The following EXOSC5 variants were observed in gnomAD, a reference collection of about 807,000 sequenced individuals.
The protein encoded by EXOSC5 is exosome component 5, also known as exosome complex component RRP46.
Under a neutral mutation model 23.7 loss-of-function variants are expected in EXOSC5, and 15 were observed. The observed-to-expected ratio is 0.63, with a 90% confidence interval of 0.42 to 0.97. The LOEUF is 0.97. Ranked by LOEUF, EXOSC5 falls within the 50% of genes least tolerant of loss-of-function variation. The probability of loss-of-function intolerance (pLI) is 0.00; values close to 1 mark genes in which losing one functional copy is unlikely to be tolerated. For synonymous variants in EXOSC5, 143 were observed against 140.9 expected (o/e 1.02, Z -0.11); for missense variants, 305 against 316.3 (o/e 0.96, Z 0.27).
chr19:41,386,561 T>A lies in EXOSC5; in HGVS notation c.*72A>T, dbSNP rs1033744873. 1.2e-5 allele frequency: 17 copies of A among 1,456,708 alleles called. No homozygotes were observed. The African/African-American group carries it at 1.5e-4, about 13-fold the overall frequency. 90.2% of individuals were successfully genotyped at this position (1,456,708 alleles called of 1,614,324 possible). A position where few individuals can be genotyped will look rare whatever the true frequency, so the allele number is the denominator to read the frequency against. On this transcript the variant is annotated 3_prime_UTR_variant, in exon 6 of 6. Transcript: ENST00000221233. ...ATGGGTCAGAGAGGCAAGGCTGGGC[T>A]GCTGGTTTGCTTCAGGCTGTAGGGG...
chr19:41,394,665 G>A (rs145966600), intron 1 of EXOSC5, among the ~76,000 whole-genome samples: 268 of 152,212 alleles, frequency 1.8e-3, no homozygotes, highest in South Asian at 6.4e-3. Context: ...TTACAGGTGC[G>A]TGCTACCACA....
rs1288881671 is a variant in EXOSC5 at position 41,392,985 on chromosome 19, G to A, written c.149-5C>T. 13 of 1,612,264 alleles carry A rather than the reference G, an allele frequency of 8.1e-6. No individual in the cohort carries two copies. The Admixed American group carries it at 2.0e-4, about 25-fold the overall frequency. On this transcript the variant is annotated splice_region_variant and splice_polypyrimidine_tract_variant and intron_variant, in intron 1 of 5. Transcript: ENST00000221233. ...CCGCCAGGACAGAGGTGTCACCTGA[G>A]GAGACAGCAGGGAGGGCCTCACTCA...
Position 41,389,806 on chromosome 19 carries a change from C to A in EXOSC5, c.484G>T (p.Asp162Tyr), listed in dbSNP as rs1471491159. The A allele has an allele frequency of 1.9e-6, 3 of 1,614,048 alleles. No individual in the cohort carries two copies. The highest frequency in any genetic ancestry group is 2.5e-6 in the Non-Finnish European group (3 of 1,180,022). ...FCGVACALDS[D>Y]GTLVLDPTSK... ...GTAGGATCCAGCACGAGGGTCCCATCAGAGTCCAGGGCGCAGGCGACCCCA... is the reference window on the plus strand; with the variant it reads ...GTAGGATCCAGCACGAGGGTCCCATAAGAGTCCAGGGCGCAGGCGACCCCA... The change falls in exon 4 of 6, where the codon GAT (aspartate) becomes TAT (tyrosine). Residue 162 changes from aspartate to tyrosine, a missense_variant. Transcript: ENST00000221233.
intron 4 of EXOSC5, 30 bp from the exon 5 acceptor site, chr19:41,387,633 G>A (rs1376376655): frequency 6.8e-7 from 1 of 1,469,518 alleles, no homozygotes; most frequent in Non-Finnish European, 9.2e-7. Flanking sequence ...GGCGGTGGGG[G>A]ACCTAGGACC....
rs183266647 is a variant in EXOSC5, at chr19:41,394,282, G to A, written c.149-1302C>T. ...AATCTCAGCTACTTGGGAGGCCGAC[G>A]CAGGAGAATTGCTGGAACCGGGGAG... On this transcript the variant is annotated intron_variant, in intron 1 of 5. Transcript: ENST00000221233. Among the ~76,000 whole-genome samples, 397 of 152,116 alleles carry A rather than the reference G, an allele frequency of 2.6e-3. 6 individuals carry two copies. Among genetic ancestry groups the A allele is most frequent in the African/African-American group, 9.0e-3 (375 of 41,506 alleles).
At chr19:41,391,812 T>C in intron 3 of EXOSC5, 29 bp downstream of exon 3, 6 of 1,486,788 alleles carry the variant, frequency 4.0e-6, no homozygotes, top group Non-Finnish European at 5.3e-6. Flanking sequence ...GGAGACTTCC[T>C]GGAGGAGGAG....
At chr19:41,392,802 G>C in intron 2 of EXOSC5, 65 bp downstream of exon 2, 1 of 1,469,928 alleles carries the variant, frequency 6.8e-7, no homozygotes, top group East Asian at 2.3e-5. Flanking sequence ...AGCTGGTAGG[G>C]AGGAGCTGGG....
chr19:41,397,231 C>T lies in EXOSC5; in HGVS notation c.98G>A (p.Cys33Tyr), dbSNP rs1346120584. The change falls in exon 1 of 6, where the codon TGC becomes TAC. Residue 33 changes from cysteine (C) to tyrosine (Y), a missense_variant. Coordinates refer to ENST00000221233, the MANE Select transcript of EXOSC5 (RefSeq NM_020158.4). ...TGGCCGCGACAGCAGGTTCTGTTCGCAGGCAAAGTGCCGGAGGCTGCAGCC... is the reference window on the plus strand; with the variant it reads ...TGGCCGCGACAGCAGGTTCTGTTCGTAGGCAAAGTGCCGGAGGCTGCAGCC... ...GPGCSLRHFA[C>Y]EQNLLSRPDG... 2 of 1,614,072 alleles carry T rather than the reference C, an allele frequency of 1.2e-6. No homozygotes were observed. The highest frequency in any genetic ancestry group is 1.7e-6 in the Non-Finnish European group (2 of 1,180,014).
intron 1 of EXOSC5, among the ~76,000 whole-genome samples, chr19:41,396,237 T>C (rs1230348452): frequency 1.3e-5 from 2 of 149,870 alleles, no homozygotes; most frequent in South Asian, 2.1e-4. Flanking sequence ...TGAGACAGAG[T>C]CTTGCTTTGT....
intron 1 of EXOSC5, among the ~76,000 whole-genome samples, chr19:41,395,210 CTTGGTTAAGGCCGTATTTCCTGGG>C (rs374038148): frequency 0.029 from 4,362 of 152,140 alleles, 190 homozygotes; most frequent in African/African-American, 0.099. Context: ...TGGGAAGGTC[CTTGGTTAAGGCCGTATTTCCTGGG>C]AAGCCCAATT....
At chr19:41,392,455 G>A (rs1003241654) in intron 2 of EXOSC5, among the ~76,000 whole-genome samples, 1 of 152,028 alleles carries the variant, frequency 6.6e-6, no homozygotes, top group Admixed American at 6.6e-5. Flanking sequence ...ATGGTGGCAC[G>A]TGCCTGTAAT....
At chr19:41,387,422 A>T (rs868499240) in intron 5 of EXOSC5, 92 bp downstream of exon 5, 1 of 1,000,830 alleles carries the variant, frequency 1.0e-6, no homozygotes, top group African/African-American at 1.7e-5. Context: ...GGCTCTCCTG[A>T]AGCCTCTCAG....
At chr19:41,395,100 A>T (rs1050507150) in intron 1 of EXOSC5, among the ~76,000 whole-genome samples, 7 of 151,584 alleles carry the variant, frequency 4.6e-5, no homozygotes, top group Non-Finnish European at 7.4e-5. Flanking sequence ...TGCTGGGATT[A>T]CCGCTGTGAG....
At chr19:41,394,574 G>C (rs1307038553) in intron 1 of EXOSC5, among the ~76,000 whole-genome samples, 1 of 151,868 alleles carries the variant, frequency 6.6e-6, no homozygotes, top group Non-Finnish European at 1.5e-5. Flanking sequence ...CTGGAGTGCA[G>C]TGGCGCAATC....
intron 4 of EXOSC5, among the ~76,000 whole-genome samples, chr19:41,389,147 T>C (rs2039004865): frequency 6.6e-6 from 1 of 151,922 alleles, no homozygotes; most frequent in African/African-American, 2.4e-5. Context: ...GGTTTTGCAA[T>C]GTTGGCCAGG....
chr19:41,397,072 A>G, intron 1 of EXOSC5, 109 bp downstream of exon 1: 1 of 1,289,490 alleles, frequency 7.8e-7, no homozygotes, highest in East Asian at 2.4e-5. Context: ...GAAATCATGC[A>G]TCAACGCAGG....
chr19:41,392,914 T>C lies in EXOSC5; in HGVS notation c.215A>G (p.Asn72Ser). Reference sequence around the variant, plus strand: ...CAGGATCACTTCGAGTGTGGCCTTGTTGAAAATCTCTTTGCTGACCTTCAC... The same window carrying C: ...CAGGATCACTTCGAGTGTGGCCTTGCTGAAAATCTCTTTGCTGACCTTCAC... ...AEVKVSKEIF[N>S]KATLEVILRP... The change falls in exon 2 of 6, where the codon AAC becomes AGC. Residue 72 changes from asparagine to serine, a missense_variant. Coordinates refer to ENST00000221233, the MANE Select transcript of EXOSC5 (RefSeq NM_020158.4). The C allele has an allele frequency of 1.9e-6, 3 of 1,613,898 alleles. No individual in the cohort carries two copies. The highest frequency in any genetic ancestry group is 2.5e-6 in the Non-Finnish European group (3 of 1,180,018).
At position 41,389,866 on chromosome 19, in the gene EXOSC5, C is replaced by T. The variant is rs781536782; in HGVS notation, c.424G>A (p.Val142Met). 5 of 1,613,666 alleles carry T rather than the reference C, an allele frequency of 3.1e-6. No individual in the cohort carries two copies. The highest frequency in any genetic ancestry group is 4.2e-6 in the Non-Finnish European group (5 of 1,179,800). ...CCLNAACMAL[V>M]DAGVPMRALF... ...GCCCGCATGGGCACACCTGCATCCA[C>T]CAATGCCATGCAGGCGGCATTCAGA... The change falls in exon 4 of 6, where the codon GTG (valine) becomes ATG (methionine). Residue 142 changes from valine to methionine, a missense_variant. Coordinates refer to ENST00000221233, the MANE Select transcript of EXOSC5 (RefSeq NM_020158.4).
intron 5 of EXOSC5, among the ~76,000 whole-genome samples, chr19:41,387,109 A>G (rs2038990241): frequency 6.6e-6 from 1 of 152,150 alleles, no homozygotes; most frequent in Non-Finnish European, 1.5e-5. Context: ...CATGGAATCA[A>G]GAGACTCCCA....
Sources: gnomAD v4.1 joint callset for allele counts (sites outside exome capture counted in the v4.1 genomes callset) on GRCh38, gnomAD v4.1.1 for gene constraint, MANE v1.5 for transcripts, NCBI Gene and HGNC (gene_info 2026-07-23, HGNC 2026-07-21) for gene names.